The following RNF17 variants were observed in gnomAD, a reference collection of about 807,000 sequenced individuals.
The protein encoded by RNF17 is spermatogenesis associated 23.
RNF17 carries 31 observed loss-of-function variants against 200.5 expected under a neutral mutation model. That is an observed-to-expected ratio of 0.15 (90% CI 0.12 to 0.21). The LOEUF (loss-of-function observed/expected upper bound fraction) is 0.21, where lower values mean the gene tolerates loss of function less well. Among genes scored for constraint, RNF17 ranks in the 10% least tolerant of loss-of-function variants. The pLI, the probability that RNF17 is intolerant of heterozygous loss-of-function variation, is 1.00. For missense variants in RNF17, 1,628 were observed against 1,905.1 expected (o/e 0.85, Z 2.71); for synonymous variants, 606 against 637.8 (o/e 0.95, Z 0.75).
intron 13 of RNF17, among the ~76,000 whole-genome samples, 160 bp downstream of exon 13, chr13:24,800,694 C>T (rs1356041733): frequency 3.9e-5 from 6 of 152,094 alleles, no homozygotes; most frequent in Middle Eastern, 3.2e-3. Context: ...AAATGAACTT[C>T]GGCTTCCACA....
chr13:24,776,817 G>T (rs2137526481), intron 3 of RNF17, among the ~76,000 whole-genome samples: 1 of 152,268 alleles, frequency 6.6e-6, no homozygotes, highest in Non-Finnish European at 1.5e-5. Flanking sequence ...CAAACCCAAT[G>T]TTGCCACATC....
At chr13:24,821,792 CA>C (rs762258345) in intron 15 of RNF17, among the ~76,000 whole-genome samples, 17 of 152,110 alleles carry the variant, frequency 1.1e-4, no homozygotes, top group Non-Finnish European at 2.4e-4. Flanking sequence ...ATATTTAAGA[CA>C]GTTGAGTATT....
chr13:24,856,585 A>G (rs1344942477), intron 25 of RNF17, among the ~76,000 whole-genome samples: 2 of 152,132 alleles, frequency 1.3e-5, no homozygotes, highest in South Asian at 2.1e-4. Flanking sequence ...TTTTTTTTAT[A>G]GGTTTAGTTA....
Position 24,800,410 on chromosome 13 carries a change from A to T in RNF17, c.1634A>T (p.His545Leu). 1.9e-6 allele frequency: 3 copies of T among 1,612,626 alleles called. No homozygotes were observed. The highest frequency in any genetic ancestry group is 2.5e-6 in the Non-Finnish European group (3 of 1,179,018). The part of the protein sequence containing the change: ...HVRPEHSAKQ[H>L]IALNDLCLVL... The stretch of plus-strand genomic sequence containing the variant: ...AGACCAGAACACTCTGCTAAGCAAC[A>T]TATTGCACTAAATGATTTATGTCTG... The change falls in exon 13 of 36, where the codon CAT becomes CTT. Residue 545 changes from histidine to leucine, a missense_variant. Coordinates refer to ENST00000255324, the MANE Select transcript of RNF17 (RefSeq NM_031277.3).
the RNF17 span, chr13:24,886,335 G>C: frequency 7.8e-7 from 1 of 1,289,256 alleles, no homozygotes; most frequent in Non-Finnish European, 1.0e-6. Context: ...GAGAGCGGAG[G>C]CAGGTGGTCA....
intron 1 of RNF17, 69 bp downstream of exon 1, chr13:24,764,402 G>C (rs546193702): frequency 7.6e-5 from 113 of 1,490,872 alleles, no homozygotes; most frequent in Middle Eastern, 7.2e-4. Context: ...AGGTGAGCTG[G>C]TGGGCGCGTG....
At chr13:24,800,261 G>A (rs1414110992) in intron 12 of RNF17, 105 bp from the exon 13 acceptor site, 2 of 747,070 alleles carry the variant, frequency 2.7e-6, no homozygotes, top group African/African-American at 1.8e-5. Context: ...TCTAAAAGGT[G>A]TAACTTAAGA....
intron 25 of RNF17, among the ~76,000 whole-genome samples, chr13:24,855,083 A>G (rs2138256225): frequency 6.6e-6 from 1 of 152,254 alleles, no homozygotes; most frequent in African/African-American, 2.4e-5. Context: ...CATAATGTAC[A>G]TATTCTTTTG....
At chr13:24,772,851 C>A (rs1880979866) in intron 2 of RNF17, among the ~76,000 whole-genome samples, 1 of 152,036 alleles carries the variant, frequency 6.6e-6, no homozygotes, top group Non-Finnish European at 1.5e-5. Context: ...ACCTCATGAT[C>A]CGCCCGCCTC....
intron 16 of RNF17, 150 bp downstream of exon 16, chr13:24,825,922 G>A: frequency 1.4e-6 from 2 of 1,399,044 alleles, no homozygotes; most frequent in Admixed American, 2.7e-5. Flanking sequence ...TGATAATGTT[G>A]AAAGGTGAAT....
intron 32 of RNF17, among the ~76,000 whole-genome samples, chr13:24,871,119 G>A (rs1894203857): frequency 6.6e-6 from 1 of 152,162 alleles, no homozygotes; most frequent in African/African-American, 2.4e-5. Context: ...ATCTTGAGGT[G>A]GAGGCTCAAA....
chr13:24,775,173 A>G (rs1881386275), intron 3 of RNF17, among the ~76,000 whole-genome samples: 1 of 152,190 alleles, frequency 6.6e-6, no homozygotes, highest in Non-Finnish European at 1.5e-5. Context: ...GGCTAAAGTT[A>G]CTCGTGCTGG....
At chr13:24,851,374 G>A in intron 23 of RNF17, 82 bp from the exon 24 acceptor site, 2 of 930,326 alleles carry the variant, frequency 2.1e-6, no homozygotes, top group African/African-American at 1.7e-5. Flanking sequence ...AAATGTAGAA[G>A]AACTGCCTGT....
At chr13:24,788,370 C>A (rs533722796) in intron 7 of RNF17, among the ~76,000 whole-genome samples, 1 of 151,870 alleles carries the variant, frequency 6.6e-6, no homozygotes, top group East Asian at 1.9e-4. Flanking sequence ...ATTTATATGA[C>A]CTTTTGTTTT....
chr13:24,778,107 CA>C lies in RNF17; in HGVS notation c.318-183del, dbSNP rs1392345594. ...TGAAATCTCATCTCTACAAAAAATACAAAAATTAGCCGAGTGTGGTGGCACA... is the reference window on the plus strand; with the variant it reads ...TGAAATCTCATCTCTACAAAAAATACAAAATTAGCCGAGTGTGGTGGCACA... On this transcript the variant is annotated intron_variant, in intron 3 of 35. Coordinates refer to ENST00000255324, the MANE Select transcript of RNF17 (RefSeq NM_031277.3). Among the ~76,000 whole-genome samples, 6 of 152,096 alleles carry C rather than the reference CA, an allele frequency of 3.9e-5. No individual in the cohort carries two copies. The East Asian group carries it at 9.7e-4, about 25-fold the overall frequency.
At chr13:24,816,805 G>A (rs1318952548) in intron 15 of RNF17, among the ~76,000 whole-genome samples, 1 of 152,188 alleles carries the variant, frequency 6.6e-6, no homozygotes, top group African/African-American at 2.4e-5. Context: ...GTATAAACAA[G>A]TTTCCTGTGA....
intron 14 of RNF17, among the ~76,000 whole-genome samples, chr13:24,803,447 C>T (rs752748812): frequency 2.6e-5 from 4 of 152,142 alleles, no homozygotes; most frequent in African/African-American, 9.7e-5. Flanking sequence ...TGCAGGCACA[C>T]GCCACCACTC....
At chr13:24,783,859 T>A (rs1190987727) in intron 6 of RNF17, among the ~76,000 whole-genome samples, 1 of 152,218 alleles carries the variant, frequency 6.6e-6, no homozygotes, top group Non-Finnish European at 1.5e-5. Flanking sequence ...TCCTTTCCAA[T>A]TCGAAAACCT....
intron 15 of RNF17, among the ~76,000 whole-genome samples, chr13:24,808,111 A>G (rs1886121675): frequency 6.6e-6 from 1 of 151,254 alleles, no homozygotes; most frequent in Non-Finnish European, 1.5e-5. Context: ...TTGGCTTAGG[A>G]TTGACTTGGC....
Sources: allele counts gnomAD v4.1 joint callset (sites outside exome capture counted in the v4.1 genomes callset), GRCh38; gene constraint gnomAD v4.1.1; transcripts MANE v1.5; gene names NCBI Gene and HGNC (gene_info 2026-07-23, HGNC 2026-07-21).